Variants in AGMO observed in about 807,000 individuals in gnomAD.
AGMO encodes alkylglycerol monooxygenase.
A neutral mutation model predicts 60.2 loss-of-function variants in AGMO; 75 were observed. The observed-to-expected ratio is 1.25, with a 90% CI of 1.03 to 1.51. AGMO has a LOEUF of 1.51. Ranked by LOEUF, AGMO falls within the 40% of genes most tolerant of loss-of-function variation. The probability of loss-of-function intolerance (pLI) is 0.00; values close to 1 mark genes in which losing one functional copy is unlikely to be tolerated. For missense variants in AGMO, 763 were observed against 525.5 expected (o/e 1.45, Z -4.42); for synonymous variants, 261 against 177.1 (o/e 1.47, Z -3.76).
At chr7:15,388,630 A>G (rs1784018616) in intron 8 of AGMO, among the ~76,000 whole-genome samples, 1 of 152,176 alleles carries the variant, frequency 6.6e-6, no homozygotes, top group Non-Finnish European at 1.5e-5. Context: ...GTGATGACAA[A>G]GGAGGGCAAG....
chr7:15,126,636 G>A, the AGMO span, among the ~76,000 whole-genome samples: 5 of 151,984 alleles, frequency 3.3e-5, no homozygotes, highest in Non-Finnish European at 7.4e-5. Context: ...TTATTTAACC[G>A]TGGATATTGT....
At chr7:15,139,954 C>A in the AGMO span, among the ~76,000 whole-genome samples, 4 of 149,942 alleles carry the variant, frequency 2.7e-5, no homozygotes, top group African/African-American at 7.3e-5. Context: ...TATGTTAGAA[C>A]CTTATAATGG....
At chr7:15,534,233 A>G (rs1784432653) in intron 3 of AGMO, among the ~76,000 whole-genome samples, 1 of 152,092 alleles carries the variant, frequency 6.6e-6, no homozygotes, top group African/African-American at 2.4e-5. Context: ...TTAATATTTA[A>G]TTAAGATGAA....
At chr7:15,247,594 A>G (rs1038479490) in intron 12 of AGMO, among the ~76,000 whole-genome samples, 78 of 152,248 alleles carry the variant, frequency 5.1e-4, no homozygotes, top group African/African-American at 1.7e-3. Context: ...ACACAGACAC[A>G]TTCACAGTGA....
chr7:15,384,609 T>C (rs1017545746), intron 10 of AGMO, among the ~76,000 whole-genome samples: 2 of 152,128 alleles, frequency 1.3e-5, no homozygotes, highest in South Asian at 2.1e-4. Context: ...ACTTTCAACA[T>C]TGCTGATTCA....
chr7:15,316,542 T>C (rs1412636925), intron 12 of AGMO, among the ~76,000 whole-genome samples: 1 of 152,116 alleles, frequency 6.6e-6, no homozygotes, highest in African/African-American at 2.4e-5. Context: ...AGGCCCTAGG[T>C]TCATCTTTGC....
At chr7:15,523,993 T>C (rs988367962) in intron 3 of AGMO, among the ~76,000 whole-genome samples, 2 of 152,256 alleles carry the variant, frequency 1.3e-5, no homozygotes, top group East Asian at 1.9e-4. Flanking sequence ...TAGATACATA[T>C]AAAAATAAAA....
At chr7:15,210,540 T>A (rs915773589) in intron 12 of AGMO, among the ~76,000 whole-genome samples, 2 of 152,108 alleles carry the variant, frequency 1.3e-5, no homozygotes, top group African/African-American at 4.8e-5. Context: ...AAAAAATGAT[T>A]CCTATATTTG....
intron 1 of AGMO, 139 bp downstream of exon 1, chr7:15,561,581 G>C (rs1226877516): frequency 3.5e-6 from 3 of 861,116 alleles, no homozygotes; most frequent in African/African-American, 1.8e-5. Flanking sequence ...TTTGCTTCAC[G>C]CCTTTAAGAA....
chr7:15,360,603 T>G (rs1368323783), intron 12 of AGMO, among the ~76,000 whole-genome samples: 3 of 152,074 alleles, frequency 2.0e-5, no homozygotes, highest in South Asian at 2.1e-4. Flanking sequence ...AAGAGGTGGG[T>G]TTGGCCTTGC....
the AGMO span, among the ~76,000 whole-genome samples, chr7:15,140,273 T>C: frequency 4.6e-5 from 7 of 152,100 alleles, no homozygotes; most frequent in African/African-American, 1.7e-4. Flanking sequence ...TATAACACCT[T>C]CATCCATTAC....
chr7:15,499,680 G>A (rs1055677207), intron 3 of AGMO, among the ~76,000 whole-genome samples: 2 of 151,698 alleles, frequency 1.3e-5, no homozygotes, highest in Non-Finnish European at 3.0e-5. Flanking sequence ...AAATGAATAA[G>A]GGATATATGC....
At chr7:15,370,579 C>T (rs572347957) in intron 10 of AGMO, among the ~76,000 whole-genome samples, 121 of 152,188 alleles carry the variant, frequency 8.0e-4, no homozygotes, top group African/African-American at 2.7e-3. Context: ...TAACAATAGC[C>T]ATTCTTACTG....
chr7:15,414,432 G>C lies in AGMO; in HGVS notation c.609+4126C>G, dbSNP rs142086572. Among the ~76,000 whole-genome samples, 320 of 151,856 alleles carry C rather than the reference G, an allele frequency of 2.1e-3. 1 individual carries two copies. The highest frequency in any genetic ancestry group is 7.1e-3 in the African/African-American group (296 of 41,404). ...TAAGTATTATATTAATTCAAGGTAA[G>C]ATATGATAGGAATGCATATTTAATC... On this transcript the variant is annotated intron_variant, in intron 5 of 12. Transcript: ENST00000342526.
Position 15,530,484 on chromosome 7 carries a change from CTATATATATTCTATATACGTATTTCTA to C in AGMO, c.409+14261_409+14287del, listed in dbSNP as rs1267577081. On this transcript the variant is annotated intron_variant, in intron 3 of 12. Coordinates refer to ENST00000342526, the MANE Select transcript of AGMO (RefSeq NM_001004320.2). Reference sequence around the variant, plus strand: ...ATATATATATTCTATATACGTATTTCTATATATATTCTATATACGTATTTCTATATATATATTCTATATACGTATTTC... The same window carrying C: ...ATATATATATTCTATATACGTATTTCTATATATATTCTATATACGTATTTC... Among the ~76,000 whole-genome samples the C allele has an allele frequency of 1.9e-3, 152 of 80,822 alleles. 5 individuals are homozygous for C. Among genetic ancestry groups the C allele is most frequent in the South Asian group, 4.7e-3 (12 of 2,558 alleles). The allele number at this position is 80,822 out of a possible 152,430, so 53.0% of individuals were successfully genotyped here. A position where few individuals can be genotyped will look rare whatever the true frequency, so the allele number is the denominator to read the frequency against.
rs553547429 is a variant in AGMO, at chr7:15,480,446, G to C, written c.410-49338C>G. Among the ~76,000 whole-genome samples, 11 of 152,228 alleles carry C rather than the reference G, an allele frequency of 7.2e-5. No homozygotes were observed. In the South Asian group the frequency reaches 2.3e-3, roughly 32 times the overall value. On this transcript the variant is annotated intron_variant, in intron 3 of 12. Transcript: ENST00000342526. ...GGGTAAAGAAAAGCACTAAAAGCAA[G>C]AAGAATAAAGACAGACTTGGACAAC...
chr7:15,299,829 A>T (rs1784510407), intron 12 of AGMO, among the ~76,000 whole-genome samples: 1 of 54,842 alleles, frequency 1.8e-5, no homozygotes, highest in African/African-American at 9.0e-5. Flanking sequence ...CTCTGTCTAC[A>T]TACACACACA....
At chr7:15,412,517 T>A (rs1331613459) in intron 5 of AGMO, among the ~76,000 whole-genome samples, 1 of 151,872 alleles carries the variant, frequency 6.6e-6, no homozygotes, top group East Asian at 1.9e-4. Context: ...ATTACTCACA[T>A]GTAGGGCAAG....
intron 9 of AGMO, among the ~76,000 whole-genome samples, chr7:15,386,607 G>T (rs781152202): frequency 2.0e-5 from 3 of 152,152 alleles, no homozygotes; most frequent in Non-Finnish European, 4.4e-5. Context: ...TCATTATTTA[G>T]ATCAGGATTT....
Sources: gnomAD v4.1 joint callset for allele counts (sites outside exome capture counted in the v4.1 genomes callset) on GRCh38, gnomAD v4.1.1 for gene constraint, MANE v1.5 for transcripts, NCBI Gene and HGNC (gene_info 2026-07-23, HGNC 2026-07-21) for gene names.